ZNF91: variants seen among roughly 807,000 people sequenced by gnomAD.
ZNF91 encodes the protein zinc finger protein 91.
Under a neutral mutation model 12.6 loss-of-function variants are expected in ZNF91, and 7 were observed. The observed-to-expected ratio is 0.55, with a 90% CI of 0.31 to 1.04. The LOEUF (loss-of-function observed/expected upper bound fraction) is 1.04, where lower values mean the gene tolerates loss of function less well. Ranked by LOEUF, ZNF91 falls within the 50% of genes least tolerant of loss-of-function variation. ZNF91 has a pLI of 0.05. For synonymous variants in ZNF91, 453 were observed against 462.6 expected, an observed-to-expected ratio of 0.98 and a Z score of 0.27; for missense variants, 1,217 against 1,385.4, an observed-to-expected ratio of 0.88 and a Z score of 1.93.
chr19:23,314,609 A>G (rs913557792), upstream of ZNF91, among the ~76,000 whole-genome samples: 5 of 152,128 alleles, frequency 3.3e-5, no homozygotes, highest in African/African-American at 1.2e-4. Context: ...TGAGGTTGTA[A>G]CTGCAGCTGG....
intron 3 of ZNF91, among the ~76,000 whole-genome samples, chr19:23,373,487 T>C (rs1969376030): frequency 6.6e-6 from 1 of 151,340 alleles, no homozygotes. Flanking sequence ...ATTAGCAAAA[T>C]GCACTCTTTT....
intron 3 of ZNF91, among the ~76,000 whole-genome samples, chr19:23,342,943 A>G (rs1000381065): frequency 1.3e-5 from 2 of 152,240 alleles, no homozygotes; most frequent in Non-Finnish European, 1.5e-5. Context: ...CCATGGGCAG[A>G]ATTGTTAATT....
intron 1 of ZNF91, among the ~76,000 whole-genome samples, chr19:23,330,672 T>C (rs1195042902): frequency 1.3e-5 from 2 of 149,728 alleles, no homozygotes; most frequent in Non-Finnish European, 2.9e-5. Context: ...CTATATGGGA[T>C]AAGAGAAACT....
chr19:23,337,317 TAC>T (rs1968031030), downstream of ZNF91, among the ~76,000 whole-genome samples: 1 of 152,018 alleles, frequency 6.6e-6, no homozygotes, highest in Non-Finnish European at 1.5e-5. Context: ...AACACACACA[TAC>T]ACAGACATGT....
chr19:23,356,859 C>T (rs887292422), downstream of ZNF91, among the ~76,000 whole-genome samples: 1 of 151,994 alleles, frequency 6.6e-6, no homozygotes, highest in Non-Finnish European at 1.5e-5. Flanking sequence ...TTTGGGAGGC[C>T]GAGGTGAGTG....
chr19:23,368,501 C>T (rs940039222), intron 3 of ZNF91, among the ~76,000 whole-genome samples: 72 of 125,642 alleles, frequency 5.7e-4, no homozygotes, highest in African/African-American at 2.0e-3. Flanking sequence ...GGTGACAGAG[C>T]GAAACTCCAT....
At chr19:23,395,265 T>A (rs1386439943) in intron 1 of ZNF91, 60 bp downstream of exon 1, 2 of 1,596,468 alleles carry the variant, frequency 1.3e-6, no homozygotes, top group Admixed American at 1.7e-5. Flanking sequence ...CACAGCCGCA[T>A]CCCACCGGTT....
At chr19:23,354,889 T>C (rs1599713529), downstream of ZNF91, among the ~76,000 whole-genome samples, 3 of 151,378 alleles carry the variant, frequency 2.0e-5, no homozygotes, top group Admixed American at 1.3e-4. Context: ...AAAAATTATA[T>C]GAATATACCT....
rs2145042859 is a variant in ZNF91 at position 23,357,956 on chromosome 19, T to C, written c.*1447A>G. 6.6e-6 allele frequency: 1 copy of C among 152,220 alleles called. No individual in the cohort carries two copies. Among genetic ancestry groups the C allele is most frequent in the South Asian group, 2.1e-4 (1 of 4,820 alleles). 9.4% of individuals were successfully genotyped at this position (152,220 alleles called of 1,614,324 possible). A position where few individuals can be genotyped will look rare whatever the true frequency, so the allele number is the denominator to read the frequency against. On this transcript the variant is annotated 3_prime_UTR_variant, in exon 4 of 4. Coordinates refer to ENST00000300619, the MANE Select transcript of ZNF91 (RefSeq NM_003430.4). ...AGGTATCCACAAAAATTAAGTCAAA[T>C]ACATTTAAATGAGAAAATAAAAATA...
downstream of ZNF91, among the ~76,000 whole-genome samples, chr19:23,356,109 G>A (rs1438934750): frequency 6.6e-6 from 1 of 152,136 alleles, no homozygotes; most frequent in Non-Finnish European, 1.5e-5. Flanking sequence ...AAACAGTGTG[G>A]AGAGTCTGTA....
chr19:23,385,744 G>A (rs1459353071), intron 1 of ZNF91, among the ~76,000 whole-genome samples: 2 of 152,040 alleles, frequency 1.3e-5, no homozygotes, highest in Non-Finnish European at 2.9e-5. Context: ...TATTGCTTGG[G>A]CTCACCGTAG....
At chr19:23,353,328 T>A (rs1315678591), downstream of ZNF91, among the ~76,000 whole-genome samples, 1 of 152,096 alleles carries the variant, frequency 6.6e-6, no homozygotes, top group Non-Finnish European at 1.5e-5. Flanking sequence ...TGCAAATTCA[T>A]GGAAATTAAA....
At chr19:23,313,203 G>A (rs2145845670), upstream of ZNF91, among the ~76,000 whole-genome samples, 1 of 152,338 alleles carries the variant, frequency 6.6e-6, no homozygotes, top group African/African-American at 2.4e-5. Flanking sequence ...TGTGATATAT[G>A]CCTCTGGCCA....
At chr19:23,368,562 C>A (rs11879121) in intron 3 of ZNF91, among the ~76,000 whole-genome samples, 111,266 of 119,076 alleles carry the variant, frequency 0.93, 52,158 homozygotes, top group Middle Eastern at 0.95. Flanking sequence ...CTCTCTCTCT[C>A]TATATATATA....
intron 1 of ZNF91, among the ~76,000 whole-genome samples, chr19:23,330,345 A>G (rs1384549383): frequency 1.3e-5 from 2 of 151,924 alleles, no homozygotes; most frequent in African/African-American, 2.4e-5. Flanking sequence ...GAAAAAAAAA[A>G]AAAGAAAGAA....
intron 3 of ZNF91, among the ~76,000 whole-genome samples, chr19:23,363,211 T>C (rs1416703257): frequency 6.6e-6 from 1 of 152,238 alleles, no homozygotes; most frequent in Non-Finnish European, 1.5e-5. Context: ...TGCCAACTCC[T>C]GGTTTATGTT....
upstream of ZNF91, among the ~76,000 whole-genome samples, chr19:23,311,195 C>A (rs186302681): frequency 2.1e-4 from 32 of 152,158 alleles, no homozygotes; most frequent in Admixed American, 1.8e-3. Flanking sequence ...ATTGCTGGAC[C>A]AAGCATTTAG....
At position 23,360,123 on chromosome 19, in the gene ZNF91, G is replaced by C; in HGVS notation, c.2856C>G (p.Thr952=). The part of the protein sequence containing the change: ...ECGKAFSQSS[T]LTTHKIIHTG... ...TATGAATTATCTTATGTGTAGTAAG[G>C]GTTGAGGATTGGCTAAAAGCTTTGC... The change falls in exon 4 of 4, where the codon ACC becomes ACG. Residue 952 remains threonine (T), a synonymous_variant. Coordinates refer to ENST00000300619, the MANE Select transcript of ZNF91 (RefSeq NM_003430.4). The C allele has an allele frequency of 6.2e-7, 1 of 1,611,834 alleles. No homozygotes were observed. The highest frequency in any genetic ancestry group is 1.7e-4 in the Middle Eastern group (1 of 6,050).
At chr19:23,325,479 C>A (rs1416804231) in intron 1 of ZNF91, 1 of 152,120 alleles carries the variant, frequency 6.6e-6, no homozygotes. Flanking sequence ...ACAACTCTAA[C>A]TCTATATTTT....
Sources: allele counts gnomAD v4.1 joint callset (sites outside exome capture counted in the v4.1 genomes callset), GRCh38; gene constraint gnomAD v4.1.1; transcripts MANE v1.5; gene names NCBI Gene and HGNC (gene_info 2026-07-23, HGNC 2026-07-21).